DHX36: variants seen among roughly 807,000 people sequenced by gnomAD.
The protein encoded by DHX36 is DEAH-box helicase 36.
Under a neutral mutation model 139.0 loss-of-function variants are expected in DHX36, and 50 were observed. The observed-to-expected ratio is 0.36, with a 90% CI of 0.29 to 0.46. The LOEUF is 0.46. DHX36 is among the 20% of genes least tolerant of loss of function. The pLI, the probability that DHX36 is intolerant of heterozygous loss-of-function variation, is 1.00. For synonymous variants in DHX36, 425 were observed against 401.9 expected (o/e 1.06, Z -0.69); for missense variants, 1,024 against 1,211.3 (o/e 0.85, Z 2.29).
chr3:154,301,043 T>C lies in DHX36; in HGVS notation c.1302A>G (p.Glu434=). 6.2e-7 allele frequency: 1 copy of C among 1,608,934 alleles called. No individual in the cohort carries two copies. Among genetic ancestry groups the C allele is most frequent in the South Asian group, 1.1e-5 (1 of 90,772 alleles). The change falls in exon 10 of 25, where the codon GAA becomes GAG. Residue 434 remains glutamate, a synonymous_variant. Coordinates refer to ENST00000496811, the MANE Select transcript of DHX36 (RefSeq NM_020865.3). The part of the protein sequence containing the change: ...QGHVNRQEKE[E]KEAIYKERWP... Reference sequence around the variant, plus strand: ...AACGTTCTTTATATATTGCTTCTTTTTCTTCTTTTTCTTGTCTATTTACAT... The same window carrying C: ...AACGTTCTTTATATATTGCTTCTTTCTCTTCTTTTTCTTGTCTATTTACAT...
At position 154,286,179 on chromosome 3, in the gene DHX36, A is replaced by AC. The variant is rs1559946811; in HGVS notation, c.2032-1193_2032-1192insG. 1.2e-4 allele frequency among the ~76,000 whole-genome samples: 13 copies of AC among 110,636 alleles called. No homozygotes were observed. In the South Asian group the frequency reaches 1.5e-3, roughly 13 times the overall value. The allele number at this position is 110,636 out of a possible 152,430, so 72.6% of individuals were successfully genotyped here. A position where few individuals can be genotyped will look rare whatever the true frequency, so the allele number is the denominator to read the frequency against. On this transcript the variant is annotated intron_variant, in intron 17 of 24. Coordinates refer to ENST00000496811, the MANE Select transcript of DHX36 (RefSeq NM_020865.3). ...GCTTCCACACACCAAAAAAAAAAAA[A>AC]AAAAAAAAAAAAACACCAACAAACA... is the stretch of plus-strand genomic sequence containing the variant.
Position 154,276,936 on chromosome 3 carries a change from A to G in DHX36, c.2689-37T>C, listed in dbSNP as rs752048217. On this transcript the variant is annotated intron_variant, in intron 23 of 24. Transcript: ENST00000496811. ...ATTAAAGTGAATTAATACATTCAGG[A>G]GTCTGAAAAGATTACTATATAAATT... is the stretch of plus-strand genomic sequence containing the variant. The G allele has an allele frequency of 1.9e-6, 3 of 1,556,646 alleles. No individual in the cohort carries two copies. The South Asian group carries it at 3.6e-5, about 19-fold the overall frequency.
intron 17 of DHX36, 145 bp from the exon 18 acceptor site, chr3:154,285,132 T>C: frequency 1.2e-6 from 1 of 823,234 alleles, no homozygotes; most frequent in South Asian, 1.9e-5. Flanking sequence ...TAGTTTTCCC[T>C]ACCAAAACAT....
chr3:154,314,211 C>G (rs914766034), intron 3 of DHX36, among the ~76,000 whole-genome samples: 1 of 152,310 alleles, frequency 6.6e-6, no homozygotes, highest in Middle Eastern at 3.4e-3. Context: ...CAACAGGCAT[C>G]AAAGAGCTAC....
At chr3:154,303,134 G>A (rs867837468) in intron 9 of DHX36, among the ~76,000 whole-genome samples, 195 bp downstream of exon 9, 1 of 152,056 alleles carries the variant, frequency 6.6e-6, no homozygotes, top group African/African-American at 2.4e-5. Context: ...TGTAATTTAG[G>A]TAGGGAGTAT....
At chr3:154,323,119 G>C (rs1713262246) in intron 1 of DHX36, among the ~76,000 whole-genome samples, 1 of 152,182 alleles carries the variant, frequency 6.6e-6, no homozygotes, top group Non-Finnish European at 1.5e-5. Flanking sequence ...TGGATCACCT[G>C]AGGTCAGGAG....
intron 6 of DHX36, 122 bp downstream of exon 6, chr3:154,306,094 T>C (rs529632724): frequency 1.4e-5 from 10 of 707,722 alleles, no homozygotes; most frequent in Admixed American, 7.9e-5. Flanking sequence ...TGCAGTTACT[T>C]TAAATGGTAA....
chr3:154,303,004 A>G (rs990388959), intron 9 of DHX36, among the ~76,000 whole-genome samples: 1 of 152,128 alleles, frequency 6.6e-6, no homozygotes, highest in Non-Finnish European at 1.5e-5. Flanking sequence ...TTCAACCTGG[A>G]AGGCGGAGGT....
chr3:154,316,961 C>G (rs1713009937), intron 1 of DHX36, among the ~76,000 whole-genome samples: 1 of 151,968 alleles, frequency 6.6e-6, no homozygotes, highest in Non-Finnish European at 1.5e-5. Flanking sequence ...CAAAAGGAAA[C>G]ACACGCGGAG....
chr3:154,279,800 T>C (rs1719273944), intron 22 of DHX36: 1 of 152,228 alleles, frequency 6.6e-6, no homozygotes, highest in South Asian at 2.1e-4. Flanking sequence ...TCAGTTTAAA[T>C]ACTTTACATG....
At chr3:154,310,488 A>G (rs1356028485) in intron 4 of DHX36, among the ~76,000 whole-genome samples, 4 of 151,726 alleles carry the variant, frequency 2.6e-5, no homozygotes, top group Non-Finnish European at 5.9e-5. Context: ...ACCTTTTAAA[A>G]ATTCCCCACT....
intron 5 of DHX36, among the ~76,000 whole-genome samples, chr3:154,308,080 G>A (rs1410402277): frequency 6.6e-6 from 1 of 152,196 alleles, no homozygotes; most frequent in Non-Finnish European, 1.5e-5. Context: ...GAGAAGACAG[G>A]AGGAGGACAG....
chr3:154,280,935 ATAAAT>A, intron 20 of DHX36, 73 bp from the exon 21 acceptor site: 1 of 1,121,002 alleles, frequency 8.9e-7, no homozygotes, highest in Non-Finnish European at 1.3e-6. Flanking sequence ...ACACTAATAG[ATAAAT>A]TGAGTTGTAA....
intron 5 of DHX36, among the ~76,000 whole-genome samples, chr3:154,306,965 AAAG>A (rs1164251148): frequency 1.3e-5 from 2 of 152,144 alleles, no homozygotes; most frequent in Non-Finnish European, 2.9e-5. Flanking sequence ...ATGGTGGAAA[AAAG>A]AAGAGAAAAA....
chr3:154,300,065 T>A, intron 11 of DHX36, 140 bp from the exon 12 acceptor site: 1 of 312,296 alleles, frequency 3.2e-6, no homozygotes, highest in Non-Finnish European at 6.1e-6. Flanking sequence ...GTATATAAGC[T>A]TTTTTTTTTT....
chr3:154,287,081 C>T (rs746886755), intron 17 of DHX36, among the ~76,000 whole-genome samples: 30 of 152,128 alleles, frequency 2.0e-4, no homozygotes, highest in Non-Finnish European at 4.1e-4. Flanking sequence ...GAGAAATAAG[C>T]CTAGAAACAG....
chr3:154,276,988 G>C, intron 23 of DHX36, 89 bp from the exon 24 acceptor site: 1 of 1,118,718 alleles, frequency 8.9e-7, no homozygotes, highest in Non-Finnish European at 1.2e-6. Flanking sequence ...ATTAATTAAT[G>C]AGTATCTTCC....
chr3:154,317,280 T>G (rs1313960678), intron 1 of DHX36, among the ~76,000 whole-genome samples: 1 of 152,008 alleles, frequency 6.6e-6, no homozygotes, highest in Non-Finnish European at 1.5e-5. Context: ...TTTTAGGCAA[T>G]TAAGAACAAA....
intron 20 of DHX36, among the ~76,000 whole-genome samples, chr3:154,281,761 ACCT>A (rs1439421406): frequency 6.6e-6 from 1 of 151,942 alleles, no homozygotes; most frequent in African/African-American, 2.4e-5. Flanking sequence ...TTTCTTAGAC[ACCT>A]CCTGGTTTTT....
Sources: allele counts gnomAD v4.1 joint callset (sites outside exome capture counted in the v4.1 genomes callset), GRCh38; gene constraint gnomAD v4.1.1; transcripts MANE v1.5; gene names NCBI Gene and HGNC (gene_info 2026-07-23, HGNC 2026-07-21).